COX10: variants seen among roughly 807,000 people sequenced by gnomAD.
COX10 encodes cytochrome c oxidase assembly factor heme A:farnesyltransferase COX10, also known as protoheme IX farnesyltransferase, mitochondrial.
Under a neutral mutation model 37.3 loss-of-function variants are expected in COX10, and 27 were observed. The ratio of observed to expected loss-of-function variants is 0.72; its 90% CI spans 0.53 to 1.00. The LOEUF (loss-of-function observed/expected upper bound fraction) is 1.00. Among genes scored for constraint, COX10 ranks in the 50% least tolerant of loss-of-function variants. The probability of loss-of-function intolerance (pLI) is 0.00; values close to 1 mark genes in which losing one functional copy is unlikely to be tolerated. For missense variants in COX10, 475 were observed against 563.2 expected (o/e 0.84, Z 1.59); for synonymous variants, 222 against 229.1 (o/e 0.97, Z 0.28).
intron 6 of COX10, among the ~76,000 whole-genome samples, chr17:14,200,878 T>A (rs1906524114): frequency 6.6e-6 from 1 of 152,232 alleles, no homozygotes; most frequent in Non-Finnish European, 1.5e-5. Flanking sequence ...ATTTTAGATC[T>A]CAGTTTACAA....
intron 4 of COX10, among the ~76,000 whole-genome samples, chr17:14,153,387 A>G (rs1423577305): frequency 6.6e-6 from 1 of 152,228 alleles, no homozygotes; most frequent in African/African-American, 2.4e-5. Context: ...AATACTGTTA[A>G]CATATTTTAC....
Position 14,191,979 on chromosome 17 carries a change from C to T in COX10, c.696-10C>T, listed in dbSNP as rs1405245842. Reference sequence around the variant, plus strand: ...AGATGATCACTCCAGGTTCTCTGCTCTTTTTCCAGCCCATTGCTAGCTGTG... The same window carrying T: ...AGATGATCACTCCAGGTTCTCTGCTTTTTTTCCAGCCCATTGCTAGCTGTG... On this transcript the variant is annotated splice_polypyrimidine_tract_variant and intron_variant, in intron 5 of 6. Coordinates refer to ENST00000261643, the MANE Select transcript of COX10 (RefSeq NM_001303.4). 6.2e-7 allele frequency: 1 copy of T among 1,613,614 alleles called. No homozygotes were observed. Among genetic ancestry groups the T allele is most frequent in the Non-Finnish European group, 8.5e-7 (1 of 1,179,602 alleles).
intron 3 of COX10, among the ~76,000 whole-genome samples, chr17:14,085,162 C>T (rs577579059): frequency 2.0e-5 from 3 of 152,182 alleles, no homozygotes; most frequent in East Asian, 1.9e-4. Flanking sequence ...GGATAATCCT[C>T]CCTGAAAGGA....
chr17:14,093,541 C>T (rs867012412), intron 3 of COX10, among the ~76,000 whole-genome samples: 1 of 152,170 alleles, frequency 6.6e-6, no homozygotes, highest in Admixed American at 6.6e-5. Context: ...GCAAAGTATA[C>T]TGTGAGGTTA....
At chr17:14,105,143 A>G (rs1043952328) in intron 4 of COX10, among the ~76,000 whole-genome samples, 1 of 152,192 alleles carries the variant, frequency 6.6e-6, no homozygotes, top group African/African-American at 2.4e-5. Context: ...ATAATAAGCT[A>G]TAATTGGGAT....
At chr17:14,075,973 C>T (rs573158932) in intron 2 of COX10, among the ~76,000 whole-genome samples, 1 of 116,004 alleles carries the variant, frequency 8.6e-6, no homozygotes, top group Admixed American at 1.1e-4. Context: ...TCCTGGGCAA[C>T]AGAGCGAGGC....
At chr17:14,083,016 C>T (rs1006882601) in intron 3 of COX10, among the ~76,000 whole-genome samples, 14 of 152,162 alleles carry the variant, frequency 9.2e-5, no homozygotes, top group South Asian at 4.1e-4. Flanking sequence ...CCAGCGGAGC[C>T]GGTCACTACC....
At chr17:14,190,129 T>C (rs1906155445) in intron 5 of COX10, among the ~76,000 whole-genome samples, 2 of 152,150 alleles carry the variant, frequency 1.3e-5, no homozygotes, top group South Asian at 4.2e-4. Flanking sequence ...TCTTGGGAGC[T>C]AGAGTGAACC....
intron 4 of COX10, among the ~76,000 whole-genome samples, chr17:14,156,669 G>C (rs1033219294): frequency 3.9e-5 from 6 of 152,146 alleles, no homozygotes; most frequent in Non-Finnish European, 8.8e-5. Context: ...TTCTGTGTCT[G>C]GAGTGCTTGT....
At chr17:14,154,230 G>C (rs1904983369) in intron 4 of COX10, among the ~76,000 whole-genome samples, 1 of 152,112 alleles carries the variant, frequency 6.6e-6, no homozygotes, top group Admixed American at 6.6e-5. Flanking sequence ...AAATACATAA[G>C]TTGAAACTTA....
intron 4 of COX10, among the ~76,000 whole-genome samples, chr17:14,145,005 T>C (rs1398977754): frequency 1.3e-5 from 2 of 151,964 alleles, no homozygotes; most frequent in African/African-American, 4.8e-5. Context: ...ATAAATTTCC[T>C]AGAAAGTGGA....
chr17:14,206,910 CATG>C lies in COX10; in HGVS notation c.1033_1035del (p.Met345del). Reference sequence around the variant, plus strand: ...AAGACTACTCCCGGGGCGGCTACTGCATGATGTCGGTCACCCACCCGGGCCTGT... The same window carrying C: ...AAGACTACTCCCGGGGCGGCTACTGCATGTCGGTCACCCACCCGGGCCTGT... On this transcript the variant is annotated inframe_deletion, in exon 7 of 7. Transcript: ENST00000261643. The C allele has an allele frequency of 6.2e-7, 1 of 1,613,926 alleles. No homozygotes were observed. Among genetic ancestry groups the C allele is most frequent in the Non-Finnish European group, 8.5e-7 (1 of 1,179,930 alleles).
chr17:14,093,166 C>T (rs1457545047), intron 3 of COX10, among the ~76,000 whole-genome samples: 1 of 152,084 alleles, frequency 6.6e-6, no homozygotes, highest in African/African-American at 2.4e-5. Context: ...TTCATTTAGC[C>T]AGTGGCTTTA....
chr17:14,126,785 C>T (rs1916350588), intron 4 of COX10, among the ~76,000 whole-genome samples: 2 of 152,116 alleles, frequency 1.3e-5, no homozygotes, highest in Non-Finnish European at 1.5e-5. Context: ...TTTTATTTAA[C>T]TCTTTCAAGC....
In COX10 at chr17:14,102,248, T is replaced by C; in HGVS notation, c.624+6T>C. 4.3e-6 allele frequency: 7 copies of C among 1,613,610 alleles called. No individual in the cohort carries two copies. Among genetic ancestry groups the C allele is most frequent in the Non-Finnish European group, 5.9e-6 (7 of 1,179,656 alleles). ...CTGCCAACTCCATCAATCAGGTCAG[T>C]TTCTCACTTTCATCTAAATTATGTT... On this transcript the variant is annotated splice_donor_region_variant and intron_variant, in intron 4 of 6. Coordinates refer to ENST00000261643, the MANE Select transcript of COX10 (RefSeq NM_001303.4).
chr17:14,110,733 T>C (rs1032995315), intron 4 of COX10, among the ~76,000 whole-genome samples: 1 of 152,090 alleles, frequency 6.6e-6, no homozygotes, highest in Non-Finnish European at 1.5e-5. Flanking sequence ...CTCCCTGTTA[T>C]CTGGGTTAGA....
At chr17:14,114,149 T>C (rs1047239087) in intron 4 of COX10, among the ~76,000 whole-genome samples, 5 of 152,182 alleles carry the variant, frequency 3.3e-5, no homozygotes, top group African/African-American at 1.2e-4. Flanking sequence ...CCACATTTCT[T>C]AATCATCCTT....
intron 3 of COX10, among the ~76,000 whole-genome samples, chr17:14,094,583 T>C (rs529342841): frequency 1.8e-4 from 27 of 152,324 alleles, no homozygotes; most frequent in African/African-American, 6.3e-4. Flanking sequence ...ATTTTTAGTC[T>C]ACATTTATTA....
At chr17:14,154,410 CCTG>C (rs1201888029) in intron 4 of COX10, among the ~76,000 whole-genome samples, 13 of 152,076 alleles carry the variant, frequency 8.5e-5, no homozygotes, top group Non-Finnish European at 1.8e-4. Context: ...ATTCACTTGA[CCTG>C]CTATTTTTTA....
Sources: gnomAD v4.1 joint callset for allele counts (sites outside exome capture counted in the v4.1 genomes callset) on GRCh38, gnomAD v4.1.1 for gene constraint, MANE v1.5 for transcripts, NCBI Gene and HGNC (gene_info 2026-07-23, HGNC 2026-07-21) for gene names.